Variants in UTP4 observed in about 807,000 individuals in gnomAD.
UTP4 encodes the protein U3 small nucleolar RNA-associated protein 4 homolog.
A neutral mutation model predicts 82.4 loss-of-function variants in UTP4; 45 were observed. The ratio of observed to expected loss-of-function variants is 0.55; its 90% confidence interval spans 0.43 to 0.70. The LOEUF (loss-of-function observed/expected upper bound fraction) is 0.70, where lower values mean the gene tolerates loss of function less well. Ranked by LOEUF, UTP4 falls within the 30% of genes least tolerant of loss-of-function variation. The pLI, the probability that UTP4 is intolerant of heterozygous loss-of-function variation, is 0.00. For synonymous variants in UTP4, 348 were observed against 300.3 expected (o/e 1.16, Z -1.64); for missense variants, 819 against 858.3 (o/e 0.95, Z 0.57).
intron 13 of UTP4, among the ~76,000 whole-genome samples, chr16:69,162,745 CG>C (rs1452669393): frequency 6.8e-6 from 1 of 147,864 alleles, no homozygotes; most frequent in Non-Finnish European, 1.5e-5. Context: ...AAAAATTAGC[CG>C]GGTGTGGTGG....
At chr16:69,135,887 G>C (rs1298247074) in intron 2 of UTP4, among the ~76,000 whole-genome samples, 4 of 152,146 alleles carry the variant, frequency 2.6e-5, no homozygotes, top group Non-Finnish European at 5.9e-5. Flanking sequence ...AAAATAGCGG[G>C]ACGTGGTGGC....
intron 16 of UTP4, chr16:69,167,500 G>A: frequency 2.9e-6 from 1 of 342,734 alleles, no homozygotes; most frequent in Non-Finnish European, 5.6e-6. Context: ...GTGTTCCATA[G>A]GATAAATGTC....
Position 69,153,696 on chromosome 16 carries a change from G to GT in UTP4, c.1099+23dup, listed in dbSNP as rs1963337159. The GT allele has an allele frequency of 1.3e-5, 21 of 1,561,884 alleles. No homozygotes were observed. The highest frequency in any genetic ancestry group is 1.8e-5 in the Non-Finnish European group (20 of 1,134,634). ...GTTGCAACAGGTAAGATGGGAGCAC[G>GT]TTTTTTTCAATAAGAAAACTGGAGA... is the stretch of plus-strand genomic sequence containing the variant. On this transcript the variant is annotated intron_variant, in intron 9 of 16. Transcript: ENST00000314423.
chr16:69,141,194 T>G lies in UTP4; in HGVS notation c.526+1280T>G, dbSNP rs184551536. Among the ~76,000 whole-genome samples, 212 of 152,370 alleles carry G rather than the reference T, an allele frequency of 1.4e-3. 1 individual carries two copies. The highest frequency in any genetic ancestry group is 6.3e-4 in the Non-Finnish European group (43 of 68,038). On this transcript the variant is annotated intron_variant, in intron 5 of 16. Transcript: ENST00000314423. ...ACCCACTCCCATCTGGCTTAGCCAC[T>G]CTGGGCCTGCTGCACAGCTGTGAGA...
At chr16:69,155,291 A>T (rs916520145) in intron 10 of UTP4, among the ~76,000 whole-genome samples, 1 of 151,538 alleles carries the variant, frequency 6.6e-6, no homozygotes, top group Non-Finnish European at 1.5e-5. Context: ...CTACCACTTC[A>T]CCCTCCCAGG....
chr16:69,135,993 C>T (rs1407037420), intron 2 of UTP4, among the ~76,000 whole-genome samples: 1 of 152,172 alleles, frequency 6.6e-6, no homozygotes, highest in Admixed American at 6.5e-5. Flanking sequence ...GGCGCCATTG[C>T]ACTGCAGCCT....
chr16:69,142,938 TC>T (rs2152277985), intron 5 of UTP4, among the ~76,000 whole-genome samples: 1 of 152,282 alleles, frequency 6.6e-6, no homozygotes, highest in East Asian at 1.9e-4. Context: ...ATTTTGGAGT[TC>T]CGAGATCAGG....
intron 13 of UTP4, among the ~76,000 whole-genome samples, chr16:69,162,727 G>C (rs942348945): frequency 1.5e-4 from 20 of 133,742 alleles, no homozygotes; most frequent in Non-Finnish European, 2.1e-4. Context: ...AAAAAAAAAA[G>C]AAAAACAAAA....
chr16:69,163,956 G>A (rs1051359053), intron 14 of UTP4, among the ~76,000 whole-genome samples: 4 of 144,894 alleles, frequency 2.8e-5, no homozygotes, highest in Non-Finnish European at 5.9e-5. Context: ...TGCGATCTCC[G>A]ATCACTGCAA....
intron 5 of UTP4, among the ~76,000 whole-genome samples, chr16:69,140,387 G>A (rs938565545): frequency 1.3e-5 from 2 of 152,132 alleles, no homozygotes; most frequent in African/African-American, 4.8e-5. Flanking sequence ...AACTTGTTAG[G>A]TGGACATGTC....
intron 5 of UTP4, among the ~76,000 whole-genome samples, chr16:69,142,917 T>G (rs1345083831): frequency 6.6e-6 from 1 of 152,196 alleles, no homozygotes; most frequent in Non-Finnish European, 1.5e-5. Flanking sequence ...ACCCCTTCTC[T>G]TCAGGTAACC....
At chr16:69,163,483 TTGGGTATTAAAC>T (rs1344433885) in intron 14 of UTP4, among the ~76,000 whole-genome samples, 1 of 152,108 alleles carries the variant, frequency 6.6e-6, no homozygotes, top group African/African-American at 2.4e-5. Context: ...TGACATGGGC[TTGGGTATTAAAC>T]TGGATATGGG....
At chr16:69,135,890 G>A (rs567269152) in intron 2 of UTP4, among the ~76,000 whole-genome samples, 13 of 152,222 alleles carry the variant, frequency 8.5e-5, no homozygotes, top group Middle Eastern at 3.4e-3. Flanking sequence ...ATAGCGGGAC[G>A]TGGTGGCACA....
At chr16:69,158,200 C>G (rs922857046) in intron 12 of UTP4, among the ~76,000 whole-genome samples, 1 of 90,456 alleles carries the variant, frequency 1.1e-5, no homozygotes, top group Admixed American at 1.5e-4. Flanking sequence ...TTGAGATGGC[C>G]TCACTCTGTT....
At chr16:69,152,629 C>G (rs1330299922) in intron 8 of UTP4, among the ~76,000 whole-genome samples, 3 of 151,854 alleles carry the variant, frequency 2.0e-5, no homozygotes, top group Admixed American at 1.3e-4. Context: ...GCCACCACGC[C>G]TAGGTAATTT....
chr16:69,164,435 A>G (rs1264851624), intron 14 of UTP4, among the ~76,000 whole-genome samples: 1 of 151,930 alleles, frequency 6.6e-6, no homozygotes, highest in Admixed American at 6.6e-5. Flanking sequence ...CAAAGACTTG[A>G]TAATATACAG....
intron 14 of UTP4, among the ~76,000 whole-genome samples, 181 bp from the exon 15 acceptor site, chr16:69,165,160 A>G (rs963232745): frequency 1.3e-5 from 2 of 151,104 alleles, no homozygotes; most frequent in African/African-American, 2.4e-5. Flanking sequence ...ACGCCACTAC[A>G]CTCCAGCCTG....
At chr16:69,154,514 C>T (rs1963358430) in intron 10 of UTP4, 57 bp downstream of exon 10, 2 of 1,266,416 alleles carry the variant, frequency 1.6e-6, no homozygotes, top group Admixed American at 1.7e-5. Flanking sequence ...GCTCATAATT[C>T]CCATTCTGAA....
Position 69,156,004 on chromosome 16 carries a change from G to A in UTP4, c.1287+11G>A, listed in dbSNP as rs749938022. 11 of 1,613,890 alleles carry A rather than the reference G, an allele frequency of 6.8e-6. No homozygotes were observed. The African/African-American group carries it at 1.2e-4, about 18-fold the overall frequency. ...ATAAGCCTCAAAAGGGTAAGTGATA[G>A]TCCAATATCTGGTCACATAAGAGGA... is the stretch of plus-strand genomic sequence containing the variant. On this transcript the variant is annotated intron_variant, in intron 11 of 16. Transcript: ENST00000314423.
Sources: gnomAD v4.1 joint callset for allele counts (sites outside exome capture counted in the v4.1 genomes callset) on GRCh38, gnomAD v4.1.1 for gene constraint, MANE v1.5 for transcripts, NCBI Gene and HGNC (gene_info 2026-07-23, HGNC 2026-07-21) for gene names.